Variants in QSOX1 observed in about 807,000 individuals in gnomAD.
QSOX1 encodes quiescin sulfhydryl oxidase 1.
A neutral mutation model predicts 76.1 loss-of-function variants in QSOX1; 40 were observed. The observed-to-expected ratio is 0.53, with a 90% CI of 0.41 to 0.68. QSOX1 has a LOEUF of 0.68. Among genes scored for constraint, QSOX1 ranks in the 30% least tolerant of loss-of-function variants. The pLI is 0.00. For synonymous variants in QSOX1, 392 were observed against 413.1 expected (o/e 0.95, Z 0.62); for missense variants, 931 against 974.3 (o/e 0.96, Z 0.59).
intron 1 of QSOX1, among the ~76,000 whole-genome samples, chr1:180,159,758 G>A (rs1426794416): frequency 6.6e-6 from 1 of 152,172 alleles, no homozygotes; most frequent in Non-Finnish European, 1.5e-5. Context: ...GTTTTGGCTT[G>A]GTGGCGTGGA....
chr1:180,184,849 G>A (rs1454480737), intron 7 of QSOX1, among the ~76,000 whole-genome samples: 1 of 152,188 alleles, frequency 6.6e-6, no homozygotes, highest in African/African-American at 2.4e-5. Context: ...GTGCCAAATG[G>A]AGAGACTTTT....
intron 1 of QSOX1, among the ~76,000 whole-genome samples, chr1:180,162,600 G>A (rs1662517801): frequency 2.0e-5 from 3 of 152,222 alleles, no homozygotes; most frequent in Admixed American, 6.5e-5. Flanking sequence ...TTAGCCAGGT[G>A]TGGTGGTGTG....
intron 2 of QSOX1, among the ~76,000 whole-genome samples, chr1:180,169,082 A>C (rs1322752906): frequency 6.6e-6 from 1 of 152,240 alleles, no homozygotes; most frequent in Non-Finnish European, 1.5e-5. Context: ...AGCTTCTACC[A>C]GCCCAGCCTG....
intron 10 of QSOX1, among the ~76,000 whole-genome samples, chr1:180,193,121 A>G (rs1232028437): frequency 6.6e-6 from 1 of 152,042 alleles, no homozygotes; most frequent in African/African-American, 2.4e-5. Flanking sequence ...AATGAGCAGG[A>G]ACTGGGGCAT....
intron 10 of QSOX1, among the ~76,000 whole-genome samples, chr1:180,191,788 G>C (rs1002469028): frequency 1.3e-5 from 2 of 152,216 alleles, no homozygotes; most frequent in African/African-American, 4.8e-5. Flanking sequence ...TCTGGGAAGA[G>C]AGTCTCCCAG....
At chr1:180,167,630 A>G (rs1455825630) in intron 2 of QSOX1, among the ~76,000 whole-genome samples, 1 of 152,316 alleles carries the variant, frequency 6.6e-6, no homozygotes, top group East Asian at 1.9e-4. Context: ...CACTGGATTC[A>G]GGGTTTCCAC....
At position 180,182,339 on chromosome 1, in the gene QSOX1, G is replaced by GCGTCCCCTCT. The variant is rs1208770247; in HGVS notation, c.752+27_752+36dup. ...CCCCGTGTGAGTATCCTGTCTCCTG[G>GCGTCCCCTCT]CGTCCCCTCTCGTCCCTCCCTGTGC... is the stretch of plus-strand genomic sequence containing the variant. On this transcript the variant is annotated intron_variant, in intron 6 of 11. Transcript: ENST00000367602. 4 of 1,613,732 alleles carry GCGTCCCCTCT rather than the reference G, an allele frequency of 2.5e-6. No homozygotes were observed. The African/African-American group carries it at 5.3e-5, about 22-fold the overall frequency.
At position 180,175,991 on chromosome 1, in the gene QSOX1, A is replaced by G. The variant is rs1361686134; in HGVS notation, c.473A>G (p.His158Arg). Reference protein sequence around the residue: ...ERLIDALESHHDTWPPACPPL... With the variant: ...ERLIDALESHRDTWPPACPPL... ...CTCATTGACGCCCTGGAGTCCCATCATGACACGTGGCCCCCAGCCTGTCCC... is the reference window on the plus strand; with the variant it reads ...CTCATTGACGCCCTGGAGTCCCATCGTGACACGTGGCCCCCAGCCTGTCCC... Residue 158 changes from histidine (H) to arginine (R), a missense_variant, in exon 4 of 12, where the codon CAT becomes CGT. Coordinates refer to ENST00000367602, the MANE Select transcript of QSOX1 (RefSeq NM_002826.5). 3 of 1,602,554 alleles carry G rather than the reference A, an allele frequency of 1.9e-6. No individual in the cohort carries two copies. Among genetic ancestry groups the G allele is most frequent in the Middle Eastern group, 1.7e-4 (1 of 6,002 alleles).
At chr1:180,178,552 A>G (rs1488683288) in intron 4 of QSOX1, among the ~76,000 whole-genome samples, 1 of 152,266 alleles carries the variant, frequency 6.6e-6, no homozygotes, top group East Asian at 1.9e-4. Context: ...AAAAAGAGAC[A>G]GGAAGCAAAA....
In QSOX1 at chr1:180,202,209, C is replaced by A. The variant is rs929747692; in HGVS notation, c.*5172C>A. 6.6e-6 allele frequency: 1 copy of A among 152,320 alleles called. No individual in the cohort carries two copies. Among genetic ancestry groups the A allele is most frequent in the African/African-American group, 2.4e-5 (1 of 41,452 alleles). The allele number at this position is 152,320 out of a possible 1,614,324, so 9.4% of individuals were successfully genotyped here. ...AGGACTCAGGGAACATCTACAGACT[C>A]TAGGGCTAGGGTGAGATCCTCCTGA... On this transcript the variant is annotated 3_prime_UTR_variant, in exon 12 of 12. Coordinates refer to ENST00000367602, the MANE Select transcript of QSOX1 (RefSeq NM_002826.5).
chr1:180,173,791 G>A (rs991109509), intron 2 of QSOX1, among the ~76,000 whole-genome samples: 1 of 152,212 alleles, frequency 6.6e-6, no homozygotes, highest in Non-Finnish European at 1.5e-5. Flanking sequence ...CAGTTAACAT[G>A]TACCAGTTCC....
rs1272392584 is a variant in QSOX1, at chr1:180,196,235, C to T, written c.1469-27C>T. ...TTTTTGGGTGGGACTGATGTCACCA[C>T]CAGCCTGTGTATGCTTCCCTCTGTA... On this transcript the variant is annotated intron_variant, in intron 11 of 11. Transcript: ENST00000367602. This position sits in a 1 kb window ranked among gnomAD's most constrained non-coding sequence, Gnocchi z 4.1. 3 of 1,586,918 alleles carry T rather than the reference C, an allele frequency of 1.9e-6. No individual in the cohort carries two copies. In the African/African-American group the frequency reaches 4.0e-5, roughly 21 times the overall value.
chr1:180,175,166 A>AAG (rs1553273906), intron 2 of QSOX1, among the ~76,000 whole-genome samples, 155 bp from the exon 3 acceptor site: 1 of 151,468 alleles, frequency 6.6e-6, no homozygotes, highest in Non-Finnish European at 1.5e-5. Flanking sequence ...CAAAAAAAAA[A>AAG]AAAGAAAGAA....
intron 9 of QSOX1, 93 bp from the exon 10 acceptor site, chr1:180,190,340 T>G: frequency 7.1e-7 from 1 of 1,403,644 alleles, no homozygotes; most frequent in Non-Finnish European, 9.9e-7. Flanking sequence ...AGGGACCTCA[T>G]TTGTCTTAGG....
chr1:180,196,918 G>C lies in QSOX1; in HGVS notation c.2125G>C (p.Asp709His), dbSNP rs1389598074. 2 of 1,596,658 alleles carry C rather than the reference G, an allele frequency of 1.3e-6. No homozygotes were observed. The highest frequency in any genetic ancestry group is 1.7e-6 in the Non-Finnish European group (2 of 1,169,642). ...QVLGGGFSYL[D>H]ISLCVGLYSL... Reference sequence around the variant, plus strand: ...GCTGGGAGGGGGCTTCTCTTACCTGGACATCAGCCTCTGTGTGGGGCTCTA... The same window carrying C: ...GCTGGGAGGGGGCTTCTCTTACCTGCACATCAGCCTCTGTGTGGGGCTCTA... Residue 709 changes from aspartate (D) to histidine (H), a missense_variant, in exon 12 of 12, where the codon GAC becomes CAC. By Grantham distance (81) the Asp-to-His change is moderately conservative. Coordinates refer to ENST00000367602, the MANE Select transcript of QSOX1 (RefSeq NM_002826.5). The surrounding 1 kb of genome is among the most constrained non-coding windows in gnomAD (Gnocchi z 4.1).
At position 180,196,398 on chromosome 1, in the gene QSOX1, C is replaced by T. The variant is rs1052719604; in HGVS notation, c.1605C>T (p.Phe535=). Residue 535 remains phenylalanine, a synonymous_variant, in exon 12 of 12, where the codon TTC becomes TTT. Transcript: ENST00000367602. The surrounding 1 kb of genome is among the most constrained non-coding windows in gnomAD (Gnocchi z 4.1). The part of the protein sequence containing the change: ...EATLNFLKAH[F]SPSNIILDFP... ...CCCTCAACTTCCTCAAGGCCCACTT[C>T]TCCCCAAGCAACATCATCCTGGACT... The T allele has an allele frequency of 6.2e-7, 1 of 1,614,112 alleles. No individual in the cohort carries two copies. Among genetic ancestry groups the T allele is most frequent in the Non-Finnish European group, 8.5e-7 (1 of 1,180,048 alleles).
intron 10 of QSOX1, among the ~76,000 whole-genome samples, chr1:180,192,421 C>T (rs997095309): frequency 6.6e-6 from 1 of 152,204 alleles, no homozygotes; most frequent in African/African-American, 2.4e-5. Context: ...GGATGGGCTA[C>T]TGCAGGCAGG....
At chr1:180,191,138 G>A (rs559999572) in intron 10 of QSOX1, among the ~76,000 whole-genome samples, 3 of 152,268 alleles carry the variant, frequency 2.0e-5, no homozygotes, top group African/African-American at 7.2e-5. Flanking sequence ...AGACTGAAAG[G>A]ATGCGCATCC....
chr1:180,159,955 G>T (rs1357272347), intron 1 of QSOX1, among the ~76,000 whole-genome samples: 1 of 152,082 alleles, frequency 6.6e-6, no homozygotes, highest in Non-Finnish European at 1.5e-5. Context: ...TTGGGTTTTC[G>T]GTCTTAACAC....
Sources: allele counts gnomAD v4.1 joint callset (sites outside exome capture counted in the v4.1 genomes callset), GRCh38; gene constraint gnomAD v4.1.1; non-coding constraint Gnocchi (gnomAD v3.1); transcripts MANE v1.5; gene names NCBI Gene and HGNC (gene_info 2026-07-23, HGNC 2026-07-21).